Variants in URB1 observed in about 807,000 individuals in gnomAD.
The protein encoded by URB1 is URB1 ribosome biogenesis factor, also known as nucleolar pre-ribosomal-associated protein 1.
URB1 carries 197 observed loss-of-function variants against 242.3 expected under a neutral mutation model. The ratio of observed to expected loss-of-function variants is 0.81; its 90% CI spans 0.72 to 0.91. The LOEUF (loss-of-function observed/expected upper bound fraction) is 0.91. Ranked by LOEUF, URB1 falls within the 40% of genes least tolerant of loss-of-function variation. The pLI is 0.00. For synonymous variants in URB1, 1,153 were observed against 1,201.8 expected (o/e 0.96, Z 0.84); for missense variants, 2,721 against 2,860.5 (o/e 0.95, Z 1.11).
Position 32,337,108 on chromosome 21 carries a change from G to A in URB1, c.4671C>T (p.Ser1557=). ...CCAACACTCACCTGAAGTTGATGAG[G>A]CTGAGCTTGTTCTGCTCATACGCTC... ...LLRAYEQNKL[S]LINFRVLLWG... Residue 1557 remains serine (S), a synonymous_variant, in exon 28 of 39, where the codon AGC becomes AGT. Transcript: ENST00000382751. 6.4e-7 allele frequency: 1 copy of A among 1,551,878 alleles called. No individual in the cohort carries two copies. The highest frequency in any genetic ancestry group is 8.7e-7 in the Non-Finnish European group (1 of 1,147,016).
At chr21:32,317,088 G>A (rs1434382037) in intron 37 of URB1, 23 bp from the exon 38 acceptor site, 1 of 1,502,996 alleles carries the variant, frequency 6.7e-7, no homozygotes, top group Admixed American at 2.3e-5. Flanking sequence ...CAAAGAGAAG[G>A]TAATGAGACT....
At position 32,344,718 on chromosome 21, in the gene URB1, C is replaced by G; in HGVS notation, c.4109G>C (p.Gly1370Ala). 6.4e-7 allele frequency: 1 copy of G among 1,551,794 alleles called. No individual in the cohort carries two copies. The highest frequency in any genetic ancestry group is 8.7e-7 in the Non-Finnish European group (1 of 1,147,054). The change falls in exon 24 of 39, where the codon GGG becomes GCG. Residue 1370 changes from glycine (G) to alanine (A), a missense_variant. Physicochemically the swap from Gly to Ala is moderately conservative, Grantham distance 60. Coordinates refer to ENST00000382751, the MANE Select transcript of URB1 (RefSeq NM_014825.3). ...CCAGGCACACAGCTCTTCTGCTGAC[C>G]CTTCCAGAGCTGCTGAAATGGAGTC... ...VADSISAALEGSAEELCAWRR... is the reference protein window; with the variant it reads ...VADSISAALEASAEELCAWRR...
rs74960746 is a variant in URB1 at position 32,377,320 on chromosome 21, T to C, written c.664+1125A>G. On this transcript the variant is annotated intron_variant, in intron 5 of 38. Coordinates refer to ENST00000382751, the MANE Select transcript of URB1 (RefSeq NM_014825.3). ...CGGGCCCATCATAAATCCAAACCCA[T>C]GCATAAGCACCTTAAAAGTTTTGAT... is the stretch of plus-strand genomic sequence containing the variant. 2.8e-4 allele frequency: 144 copies of C among 508,728 alleles called. No individual in the cohort carries two copies. In the East Asian group the frequency reaches 6.6e-3, roughly 23 times the overall value. 31.5% of individuals were successfully genotyped at this position (508,728 alleles called of 1,614,324 possible).
intron 19 of URB1, among the ~76,000 whole-genome samples, chr21:32,351,577 G>A (rs1270852820): frequency 6.6e-6 from 1 of 152,218 alleles, no homozygotes; most frequent in Non-Finnish European, 1.5e-5. Flanking sequence ...AGCAGCATGT[G>A]TGAAATGCAA....
Position 32,373,632 on chromosome 21 carries a change from A to G in URB1, c.876+15T>C. 6.5e-7 allele frequency: 1 copy of G among 1,529,814 alleles called. No individual in the cohort carries two copies. The highest frequency in any genetic ancestry group is 8.8e-7 in the Non-Finnish European group (1 of 1,140,388). 94.8% of individuals were successfully genotyped at this position (1,529,814 alleles called of 1,614,324 possible). On this transcript the variant is annotated intron_variant, in intron 7 of 38. Transcript: ENST00000382751. ...TCCAACAACGAGGTCAACGAAAACC[A>G]AAAAGTGTCTGCACCTTGACATTTT... is the stretch of plus-strand genomic sequence containing the variant.
At position 32,354,971 on chromosome 21, in the gene URB1, G is replaced by T; in HGVS notation, c.2133C>A (p.Pro711=). 6.4e-7 allele frequency: 1 copy of T among 1,551,398 alleles called. No individual in the cohort carries two copies. The highest frequency in any genetic ancestry group is 8.7e-7 in the Non-Finnish European group (1 of 1,146,526). The part of the protein sequence containing the change: ...ERILLTLVAN[P]YSYTDKASDF... The stretch of plus-strand genomic sequence containing the variant: ...CAGATGCTTTGTCTGTGTATGAATA[G>T]GGATTCGCCACCAATGTCAATAAAA... The change falls in exon 17 of 39, where the codon CCC becomes CCA. Residue 711 remains proline, a synonymous_variant. Coordinates refer to ENST00000382751, the MANE Select transcript of URB1 (RefSeq NM_014825.3).
chr21:32,318,893 T>A (rs1224412553), intron 36 of URB1, among the ~76,000 whole-genome samples: 1 of 152,154 alleles, frequency 6.6e-6, no homozygotes, highest in African/African-American at 2.4e-5. Context: ...TTCAAGTGTT[T>A]GAATCACAGT....
At chr21:32,354,333 T>C (rs778581191) in intron 17 of URB1, among the ~76,000 whole-genome samples, 2 of 152,150 alleles carry the variant, frequency 1.3e-5, no homozygotes, top group Non-Finnish European at 2.9e-5. Flanking sequence ...TGGTAATAGG[T>C]TGAAGTTTCC....
rs1439297130 is a variant in URB1 at position 32,321,896 on chromosome 21, G to A, written c.5389C>T (p.Arg1797Cys). 14 of 1,551,484 alleles carry A rather than the reference G, an allele frequency of 9.0e-6. No homozygotes were observed. Among genetic ancestry groups the A allele is most frequent in the African/African-American group, 2.7e-5 (2 of 73,012 alleles). Reference protein sequence around the residue: ...WVFGVLRQGIRDKQCYELCAR... With the variant: ...WVFGVLRQGICDKQCYELCAR... ...CACAGTTCGTAGCACTGCTTGTCACGGATCCCCTGCCGCAGAACGCCAAAC... is the reference window on the plus strand; with the variant it reads ...CACAGTTCGTAGCACTGCTTGTCACAGATCCCCTGCCGCAGAACGCCAAAC... The change falls in exon 34 of 39, where the codon CGT becomes TGT. Residue 1797 changes from arginine (R) to cysteine (C), a missense_variant. By Grantham distance (180) the Arg-to-Cys change is radical. Transcript: ENST00000382751.
chr21:32,321,587 G>A (rs1359689538), intron 34 of URB1, among the ~76,000 whole-genome samples: 3 of 152,190 alleles, frequency 2.0e-5, no homozygotes, highest in Non-Finnish European at 4.4e-5. Context: ...GACACTGGGG[G>A]TCACAACACT....
chr21:32,389,241 G>A (rs1031292829), intron 1 of URB1, among the ~76,000 whole-genome samples: 2 of 152,190 alleles, frequency 1.3e-5, no homozygotes, highest in Non-Finnish European at 2.9e-5. Flanking sequence ...GTACACTGGA[G>A]CCAGGTGAGT....
chr21:32,362,319 C>T (rs992853643), intron 11 of URB1, among the ~76,000 whole-genome samples: 9 of 152,000 alleles, frequency 5.9e-5, no homozygotes, highest in Admixed American at 1.3e-4. Context: ...GATTCTCGTG[C>T]GTCAGCCACC....
rs73903305 is a variant in URB1, at chr21:32,347,152, G to C, written c.3672C>G (p.Ala1224=). ...TGCTGAGGGCCGCCTGTGTGCGCCG[G>C]GCCAGGCAGTAGTCAAGCAGATCAG... ...VGADLLDYCL[A]RRTQAALSIA... is the part of the protein sequence containing the mutation. The change falls in exon 22 of 39, where the codon GCC becomes GCG. Residue 1224 remains alanine (A), a synonymous_variant. Transcript: ENST00000382751. The C allele has an allele frequency of 3.7e-4, 577 of 1,548,888 alleles. 3 individuals are homozygous for C. The African/African-American group carries it at 7.2e-3, about 19-fold the overall frequency.
chr21:32,336,991 T>G (rs2032966685), intron 28 of URB1, 103 bp downstream of exon 28: 16 of 1,228,906 alleles, frequency 1.3e-5, no homozygotes, highest in Non-Finnish European at 1.9e-5. Flanking sequence ...ACTCTTTCCC[T>G]GAGAACCAAA....
Position 32,311,899 on chromosome 21 carries a change from C to T in URB1, c.*3019G>A, listed in dbSNP as rs774119464. ...CTCGGGGGTTTCCAGACCCACCCCA[C>T]TCTCCTCTGGGAACTGACCCTCAAT... On this transcript the variant is annotated 3_prime_UTR_variant, in exon 39 of 39. Coordinates refer to ENST00000382751, the MANE Select transcript of URB1 (RefSeq NM_014825.3). The T allele has an allele frequency of 6.8e-6, 11 of 1,613,892 alleles. No individual in the cohort carries two copies. Among genetic ancestry groups the T allele is most frequent in the South Asian group, 3.3e-5 (3 of 91,092 alleles).
intron 35 of URB1, 132 bp from the exon 36 acceptor site, chr21:32,319,546 G>T: frequency 1.0e-6 from 1 of 959,256 alleles, no homozygotes; most frequent in Non-Finnish European, 1.5e-6. Context: ...CAGGGTGCTT[G>T]CTATACAAAC....
chr21:32,324,540 A>G lies in URB1; in HGVS notation c.5184T>C (p.Phe1728=), dbSNP rs572908351. 4 of 1,551,780 alleles carry G rather than the reference A, an allele frequency of 2.6e-6. No homozygotes were observed. Among genetic ancestry groups the G allele is most frequent in the East Asian group, 2.4e-5 (1 of 40,942 alleles). ...CTTTGGCAATGAAGAGAGCCAAGGT[A>G]AAAGTAAGTCTCATGTCCTGAGTTC... ...GIRTQDMRLT[F]TLALFIAKAA... Residue 1728 remains phenylalanine (F), a synonymous_variant, in exon 32 of 39, where the codon TTT becomes TTC. Transcript: ENST00000382751.
Position 32,313,132 on chromosome 21 carries a change from T to C in URB1, c.*1786A>G, listed in dbSNP as rs2032619492. 6.6e-6 allele frequency: 1 copy of C among 152,232 alleles called. No individual in the cohort carries two copies. The highest frequency in any genetic ancestry group is 2.1e-4 in the South Asian group (1 of 4,828). The allele number at this position is 152,232 out of a possible 1,614,324, so 9.4% of individuals were successfully genotyped here. On this transcript the variant is annotated 3_prime_UTR_variant, in exon 39 of 39. Transcript: ENST00000382751. ...TTGTCGCCACCTGACGTAGTATGTA[T>C]TGACTTGCTGGGCCCTAAGAACCTG...
chr21:32,356,548 C>T (rs2033223108), intron 15 of URB1, among the ~76,000 whole-genome samples: 1 of 152,166 alleles, frequency 6.6e-6, no homozygotes, highest in Admixed American at 6.5e-5. Flanking sequence ...TAAAACTTGA[C>T]CCCTCACAGC....
Sources: gnomAD v4.1 joint callset for allele counts (sites outside exome capture counted in the v4.1 genomes callset) on GRCh38, gnomAD v4.1.1 for gene constraint, MANE v1.5 for transcripts, NCBI Gene and HGNC (gene_info 2026-07-23, HGNC 2026-07-21) for gene names.